The following TEX11 variants were observed in gnomAD, a reference collection of about 807,000 sequenced individuals.
TEX11 encodes the protein testis expressed 11, also known as testis-expressed protein 11.
TEX11 carries 7 observed loss-of-function variants against 84.4 expected under a neutral mutation model. The ratio of observed to expected loss-of-function variants is 0.08; its 90% confidence interval spans 0.05 to 0.16. The LOEUF (loss-of-function observed/expected upper bound fraction) is 0.16. Ranked by LOEUF, TEX11 falls within the 10% of genes least tolerant of loss-of-function variation. TEX11 has a pLI of 1.00. For missense variants in TEX11, 551 were observed against 660.5 expected (o/e 0.83, Z 1.82); for synonymous variants, 264 against 222.8 (o/e 1.18, Z -1.64).
chrX:70,713,881 G>C (rs1173941236), intron 13 of TEX11, among the ~76,000 whole-genome samples: 15 of 111,423 alleles, frequency 1.3e-4, no homozygotes, highest in Non-Finnish European at 2.8e-4. Flanking sequence ...TAATTGTAAT[G>C]TTAGGGTGTC....
chrX:70,627,833 T>C (rs931076071), intron 18 of TEX11, among the ~76,000 whole-genome samples: 3 of 111,693 alleles, frequency 2.7e-5, no homozygotes, highest in Non-Finnish European at 5.6e-5. Flanking sequence ...TAAATTACCA[T>C]CAATATTTTC....
intron 3 of TEX11, among the ~76,000 whole-genome samples, chrX:70,877,647 G>A (rs1412404576): frequency 2.7e-5 from 3 of 112,010 alleles, no homozygotes; most frequent in Non-Finnish European, 3.8e-5. Flanking sequence ...ATCAACAAAT[G>A]AATGGATAAA....
intron 2 of TEX11, among the ~76,000 whole-genome samples, chrX:70,893,773 C>T (rs1055728378): frequency 1.2e-4 from 13 of 111,178 alleles, no homozygotes; most frequent in African/African-American, 3.9e-4. Flanking sequence ...TTCAAAAAAT[C>T]ATTGAGTCCA....
intron 8 of TEX11, among the ~76,000 whole-genome samples, chrX:70,812,498 C>T (rs1017691713): frequency 9.9e-5 from 11 of 111,286 alleles, no homozygotes; most frequent in Middle Eastern, 4.6e-3. Context: ...TGAGCCACCG[C>T]GCCTGGCCCT....
At position 70,889,225 on chromosome X, in the gene TEX11, G is replaced by A. The variant is rs746550908; in HGVS notation, c.38-9116C>T. Reference sequence around the variant, plus strand: ...GAGCTCAGGAGTTTGAGACGAGCCTGGCCAACATGGTGAAACCCCATCTCT... The same window carrying A: ...GAGCTCAGGAGTTTGAGACGAGCCTAGCCAACATGGTGAAACCCCATCTCT... On this transcript the variant is annotated intron_variant, in intron 2 of 29. Coordinates refer to ENST00000374333, the MANE Select transcript of TEX11 (RefSeq NM_031276.3). Among the ~76,000 whole-genome samples, 3 of 110,704 alleles carry A rather than the reference G, an allele frequency of 2.7e-5. No homozygotes were observed. The South Asian group carries it at 1.2e-3, about 43-fold the overall frequency.
At chrX:70,872,504 A>G (rs1197987202) in intron 4 of TEX11, among the ~76,000 whole-genome samples, 1 of 112,394 alleles carries the variant, frequency 8.9e-6, no homozygotes, top group Non-Finnish European at 1.9e-5. Flanking sequence ...TGTTACTTCA[A>G]TGTATCCTTT....
rs979150964 is a variant in TEX11, at chrX:70,744,773, C to T, written c.693-554G>A. ...TCACCCAGGCTGGAGTGCAGTGGCA[C>T]GATCTTGACTCATTGCAACCTCCAT... On this transcript the variant is annotated intron_variant, in intron 9 of 29. Transcript: ENST00000374333. 8.2e-5 allele frequency among the ~76,000 whole-genome samples: 9 copies of T among 110,304 alleles called. No individual in the cohort carries two copies. The South Asian group carries it at 1.1e-3, about 14-fold the overall frequency.
intron 25 of TEX11, among the ~76,000 whole-genome samples, chrX:70,580,550 G>A (rs1400724258): frequency 1.8e-5 from 2 of 112,028 alleles, no homozygotes; most frequent in Non-Finnish European, 3.8e-5. Flanking sequence ...AATATCTCAT[G>A]TAACAATAAA....
At chrX:70,598,813 T>C (rs1308887998) in intron 24 of TEX11, among the ~76,000 whole-genome samples, 1 of 111,991 alleles carries the variant, frequency 8.9e-6, no homozygotes, top group African/African-American at 3.2e-5. Flanking sequence ...GTGTAAAATA[T>C]GATGATGATG....
chrX:70,647,760 C>G (rs187286663), intron 17 of TEX11, among the ~76,000 whole-genome samples: 158 of 110,535 alleles, frequency 1.4e-3, no homozygotes, highest in Non-Finnish European at 8.9e-4. Flanking sequence ...TTTAAAACAC[C>G]ATGTTGTTGC....
chrX:70,725,460 G>A (rs935184984), intron 11 of TEX11, 117 bp from the exon 12 acceptor site: 17 of 396,767 alleles, frequency 4.3e-5, no homozygotes, highest in Admixed American at 1.2e-4. Flanking sequence ...AAAGGAAATC[G>A]AAATTACAGA....
intron 17 of TEX11, among the ~76,000 whole-genome samples, chrX:70,641,211 C>G (rs1167283675): frequency 3.5e-4 from 39 of 111,437 alleles, no homozygotes; most frequent in Admixed American, 5.7e-4. Flanking sequence ...TCAACAAGAA[C>G]AGCTAACTAT....
intron 4 of TEX11, among the ~76,000 whole-genome samples, chrX:70,871,486 T>G (rs1024108159): frequency 5.3e-5 from 6 of 112,419 alleles, no homozygotes; most frequent in African/African-American, 1.9e-4. Flanking sequence ...AATAAAGAAT[T>G]ATAGCTTATA....
chrX:70,651,101 T>C (rs927541946), intron 17 of TEX11, among the ~76,000 whole-genome samples: 8 of 112,026 alleles, frequency 7.1e-5, no homozygotes, highest in African/African-American at 2.3e-4. Context: ...TCTTAACTGA[T>C]ATGGGTTTTT....
intron 25 of TEX11, among the ~76,000 whole-genome samples, chrX:70,568,680 G>T (rs2088534981): frequency 9.0e-6 from 1 of 110,959 alleles, no homozygotes; most frequent in African/African-American, 3.3e-5. Context: ...AGTTTGGCTG[G>T]ACATGAAATT....
chrX:70,901,851 A>G (rs909165538), intron 2 of TEX11, among the ~76,000 whole-genome samples: 1 of 112,800 alleles, frequency 8.9e-6, no homozygotes, highest in Non-Finnish European at 1.9e-5. Flanking sequence ...CTACAAACCT[A>G]TAACTCATGT....
chrX:70,888,684 C>T (rs1000109178), intron 2 of TEX11, among the ~76,000 whole-genome samples: 4 of 111,791 alleles, frequency 3.6e-5, no homozygotes, highest in Non-Finnish European at 7.5e-5. Flanking sequence ...TAACAGAGAA[C>T]TTCCCAAACT....
chrX:70,586,185 A>G (rs1237659488), intron 25 of TEX11, among the ~76,000 whole-genome samples: 1 of 112,879 alleles, frequency 8.9e-6, no homozygotes, highest in Non-Finnish European at 1.9e-5. Context: ...AAATGGATCA[A>G]TTACCCAAAC....
chrX:70,729,805 A>G (rs1483069766), intron 11 of TEX11, among the ~76,000 whole-genome samples: 1 of 110,979 alleles, frequency 9.0e-6, no homozygotes, highest in Non-Finnish European at 1.9e-5. Flanking sequence ...GGAAATACAG[A>G]GAACGCCACA....
Sources: gnomAD v4.1 joint callset for allele counts (sites outside exome capture counted in the v4.1 genomes callset) on GRCh38, gnomAD v4.1.1 for gene constraint, MANE v1.5 for transcripts, NCBI Gene and HGNC (gene_info 2026-07-23, HGNC 2026-07-21) for gene names.